Variants in DEGS2 observed in about 807,000 individuals in gnomAD.
DEGS2 encodes sphingolipid delta(4)-desaturase/C4-monooxygenase DES2.
A neutral mutation model predicts 23.8 loss-of-function variants in DEGS2; 19 were observed. That is an observed-to-expected ratio of 0.80 (90% confidence interval 0.56 to 1.17). The LOEUF (loss-of-function observed/expected upper bound fraction) is 1.17. Among genes scored for constraint, DEGS2 ranks in the 50% most tolerant of loss-of-function variants. The probability of loss-of-function intolerance (pLI) is 0.00; values close to 1 mark genes in which losing one functional copy is unlikely to be tolerated. For missense variants in DEGS2, 390 were observed against 459.5 expected (o/e 0.85, Z 1.38); for synonymous variants, 218 against 213.7 (o/e 1.02, Z -0.18).
chr14:100,147,658 G>GCCCC (rs10709140), intron 2 of DEGS2, among the ~76,000 whole-genome samples: 36 of 81,348 alleles, frequency 4.4e-4, no homozygotes, highest in East Asian at 6.9e-4. Flanking sequence ...TGCCCTCCCT[G>GCCCC]CCCCCCCCCC....
At chr14:100,154,762 T>C (rs551796265) in intron 1 of DEGS2, among the ~76,000 whole-genome samples, 10 of 152,272 alleles carry the variant, frequency 6.6e-5, no homozygotes, top group African/African-American at 1.9e-4. Context: ...TGCTGAGCCA[T>C]TGAGCAGAGG....
chr14:100,158,086 CAAAAAAAAAAAA>C (rs55666851), intron 1 of DEGS2, among the ~76,000 whole-genome samples: 3 of 98,012 alleles, frequency 3.1e-5, no homozygotes, highest in Non-Finnish European at 5.9e-5. Flanking sequence ...GACTTCCTCT[CAAAAAAAAAAAA>C]AAAAAAAAAA....
At chr14:100,156,987 G>GC (rs1427786784) in intron 1 of DEGS2, among the ~76,000 whole-genome samples, 3 of 152,190 alleles carry the variant, frequency 2.0e-5, no homozygotes, top group African/African-American at 4.8e-5. Context: ...CCAAGCCCTG[G>GC]CCCCAGGTGC....
chr14:100,146,958 C>T, intron 2 of DEGS2, 51 bp from the exon 3 acceptor site: 1 of 1,581,532 alleles, frequency 6.3e-7, no homozygotes, highest in Non-Finnish European at 8.6e-7. Flanking sequence ...GGGGCCGCAC[C>T]CGCGAGCACA....
intron 2 of DEGS2, among the ~76,000 whole-genome samples, chr14:100,148,437 TC>T (rs1292369458): frequency 6.6e-6 from 1 of 151,174 alleles, no homozygotes; most frequent in Non-Finnish European, 1.5e-5. Flanking sequence ...TCCTCCCCCT[TC>T]CCCTTCCTCC....
intron 1 of DEGS2, 72 bp from the exon 2 acceptor site, chr14:100,149,782 CAGTGGCCGAGGGGTGAGAAGGTGGG>C: frequency 6.8e-7 from 1 of 1,475,916 alleles, no homozygotes; most frequent in Non-Finnish European, 9.2e-7. Flanking sequence ...GCTCCCACTG[CAGTGGCCGAGGGGTGAGAAGGTGGG>C]AGTGGCCAGC....
At position 100,149,304 on chromosome 14, in the gene DEGS2, C is replaced by T. The variant is rs1425194071; in HGVS notation, c.489G>A (p.Leu163=). The change falls in exon 2 of 3, where the codon CTG becomes CTA. Residue 163 remains leucine (L), a synonymous_variant. Transcript: ENST00000305631. ...FCTPARKLLW[L]VLQPFFYSLR... Reference sequence around the variant, plus strand: ...GTGAGTAGAAGAAGGGCTGCAGCACCAGCCAGAGCAGCTTGCGGGCGGGTG... The same window carrying T: ...GTGAGTAGAAGAAGGGCTGCAGCACTAGCCAGAGCAGCTTGCGGGCGGGTG... The T allele has an allele frequency of 6.2e-7, 1 of 1,612,510 alleles. No individual in the cohort carries two copies. Among genetic ancestry groups the T allele is most frequent in the Non-Finnish European group, 8.5e-7 (1 of 1,179,732 alleles).
chr14:100,159,640 T>G lies in DEGS2; in HGVS notation c.-53A>C, dbSNP rs1035561480. 2 of 1,016,918 alleles carry G rather than the reference T, an allele frequency of 2.0e-6. No homozygotes were observed. Among genetic ancestry groups the G allele is most frequent in the Non-Finnish European group, 2.5e-6 (2 of 791,880 alleles). 63.0% of individuals were successfully genotyped at this position (1,016,918 alleles called of 1,614,324 possible). A position where few individuals can be genotyped will look rare whatever the true frequency, so the allele number is the denominator to read the frequency against. On this transcript the variant is annotated 5_prime_UTR_variant, in exon 1 of 3. Coordinates refer to ENST00000305631, the MANE Select transcript of DEGS2 (RefSeq NM_206918.3). Reference sequence around the variant, plus strand: ...GCGGCCGGCTCGGCTCTGCTGCACCTGTCGCGGCGGCCGCGGCGCGGAACC... The same window carrying G: ...GCGGCCGGCTCGGCTCTGCTGCACCGGTCGCGGCGGCCGCGGCGCGGAACC...
At chr14:100,155,485 T>TGG (rs1350009483) in intron 1 of DEGS2, 1 of 152,268 alleles carries the variant, frequency 6.6e-6, no homozygotes, top group African/African-American at 2.4e-5. Flanking sequence ...CTGGAAAGTG[T>TGG]GGCAAGTGTC....
In DEGS2 at chr14:100,149,729, G is replaced by A; in HGVS notation, c.83-19C>T. Reference sequence around the variant, plus strand: ...TACTTGGCTGCAAGGAAGACAGGGAGGTATGAGGCCCCGCTCGGTGGGGCT... The same window carrying A: ...TACTTGGCTGCAAGGAAGACAGGGAAGTATGAGGCCCCGCTCGGTGGGGCT... On this transcript the variant is annotated intron_variant, in intron 1 of 2. Coordinates refer to ENST00000305631, the MANE Select transcript of DEGS2 (RefSeq NM_206918.3). The A allele has an allele frequency of 6.3e-7, 1 of 1,581,164 alleles. No individual in the cohort carries two copies. Among genetic ancestry groups the A allele is most frequent in the Non-Finnish European group, 8.6e-7 (1 of 1,162,656 alleles).
intron 1 of DEGS2, chr14:100,155,490 A>T (rs1229013998): frequency 6.6e-6 from 1 of 152,282 alleles, no homozygotes; most frequent in Non-Finnish European, 1.5e-5. Flanking sequence ...AAGTGTGGCA[A>T]GTGTCCAGCT....
rs756182838 is a variant in DEGS2, at chr14:100,146,870, G to A, written c.863C>T (p.Pro288Leu). The A allele has an allele frequency of 2.9e-5, 47 of 1,613,564 alleles. No individual in the cohort carries two copies. The highest frequency in any genetic ancestry group is 1.1e-4 in the African/African-American group (8 of 74,894). The part of the protein sequence containing the change: ...KIAPEYYDHL[P>L]QHHSWVKVLW... The stretch of plus-strand genomic sequence containing the variant: ...CACCTTCACCCAGGAGTGGTGCTGC[G>A]GCAGGTGGTCGTAGTACTCGGGCGC... Residue 288 changes from proline to leucine, a missense_variant, in exon 3 of 3, where the codon CCG becomes CTG. Pro to Leu is a moderately conservative substitution (Grantham distance 98). Coordinates refer to ENST00000305631, the MANE Select transcript of DEGS2 (RefSeq NM_206918.3).
At chr14:100,148,732 T>C (rs1244376904) in intron 2 of DEGS2, among the ~76,000 whole-genome samples, 1 of 152,260 alleles carries the variant, frequency 6.6e-6, no homozygotes, top group East Asian at 1.9e-4. Context: ...CAGCCTGGAC[T>C]GTGAAATGCC....
Position 100,144,004 on chromosome 14 carries a change from G to C in DEGS2, c.*2757C>G. The C allele has an allele frequency of 1.9e-6, 1 of 513,378 alleles. No individual in the cohort carries two copies. Among genetic ancestry groups the C allele is most frequent in the South Asian group, 2.8e-5 (1 of 35,808 alleles). The allele number at this position is 513,378 out of a possible 1,614,324, so 31.8% of individuals were successfully genotyped here. The stretch of plus-strand genomic sequence containing the variant: ...TTGCTTATTTAAGGTACATTTCTTT[G>C]GGTTTCTAGAGACGCCCCTAAGTCA... On this transcript the variant is annotated 3_prime_UTR_variant, in exon 3 of 3. Transcript: ENST00000305631.
rs898090799 is a variant in DEGS2, at chr14:100,144,010, C to T, written c.*2751G>A. The T allele has an allele frequency of 5.0e-5, 25 of 503,212 alleles. No homozygotes were observed. The highest frequency in any genetic ancestry group is 7.7e-5 in the Non-Finnish European group (22 of 284,088). 31.2% of individuals were successfully genotyped at this position (503,212 alleles called of 1,614,324 possible). ...ATTTAAGGTACATTTCTTTGGGTTT[C>T]TAGAGACGCCCCTAAGTCACCTGCT... On this transcript the variant is annotated 3_prime_UTR_variant, in exon 3 of 3. Transcript: ENST00000305631.
At chr14:100,149,853 C>T (rs1228017620) in intron 1 of DEGS2, 143 bp from the exon 2 acceptor site, 7 of 890,994 alleles carry the variant, frequency 7.9e-6, no homozygotes, top group Non-Finnish European at 1.2e-5. Context: ...GCACACAGGC[C>T]CTGTCCCTCG....
the DEGS2 span, among the ~76,000 whole-genome samples, chr14:100,166,239 TGGG>T: frequency 5.2e-5 from 2 of 38,622 alleles, no homozygotes; most frequent in Non-Finnish European, 1.1e-4. Flanking sequence ...TCCAGGAGAG[TGGG>T]GGGAGCCTGT....
Position 100,146,826 on chromosome 14 carries a change from C to CA in DEGS2, c.906dup (p.Glu303Ter). On this transcript the variant is annotated frameshift_variant, in exon 3 of 3. Transcript: ENST00000305631. LOFTEE classifies it high-confidence loss of function. ...CTGGCATAGGGCCCCAGGGAGTCCTCAAACACAAAATCCCAGAGCACCTTC... is the reference window on the plus strand; with the variant it reads ...CTGGCATAGGGCCCCAGGGAGTCCTCAAAACACAAAATCCCAGAGCACCTTC... 1 of 1,613,888 alleles carries CA rather than the reference C, an allele frequency of 6.2e-7. No homozygotes were observed. Among genetic ancestry groups the CA allele is most frequent in the Non-Finnish European group, 8.5e-7 (1 of 1,179,936 alleles).
intron 2 of DEGS2, 127 bp from the exon 3 acceptor site, chr14:100,147,034 C>T (rs1398627284): frequency 3.5e-5 from 38 of 1,096,444 alleles, no homozygotes; most frequent in East Asian, 1.2e-4. Context: ...CATGTTTGCG[C>T]GCGCGCACAC....
Sources: gnomAD v4.1 joint callset for allele counts (sites outside exome capture counted in the v4.1 genomes callset) on GRCh38, gnomAD v4.1.1 for gene constraint, MANE v1.5 for transcripts, NCBI Gene and HGNC (gene_info 2026-07-23, HGNC 2026-07-21) for gene names.